The following EAPP variants were observed in gnomAD, a reference collection of about 807,000 sequenced individuals.
EAPP encodes the protein E2F-associated phosphoprotein.
EAPP carries 38 observed loss-of-function variants against 34.3 expected under a neutral mutation model. The ratio of observed to expected loss-of-function variants is 1.11; its 90% CI spans 0.85 to 1.45. The LOEUF is 1.45. Ranked by LOEUF, EAPP falls within the 40% of genes most tolerant of loss-of-function variation. EAPP has a pLI of 0.00. For missense variants in EAPP, 338 were observed against 343.7 expected, an observed-to-expected ratio of 0.98 and a Z score of 0.13; for synonymous variants, 113 against 117.6, an observed-to-expected ratio of 0.96 and a Z score of 0.25.
chr14:34,516,157 T>G lies in EAPP; in HGVS notation c.*153A>C. The G allele has an allele frequency of 1.5e-6, 1 of 669,602 alleles. No individual in the cohort carries two copies. Among genetic ancestry groups the G allele is most frequent in the Non-Finnish European group, 2.4e-6 (1 of 420,392 alleles). 41.5% of individuals were successfully genotyped at this position (669,602 alleles called of 1,614,324 possible). A position where few individuals can be genotyped will look rare whatever the true frequency, so the allele number is the denominator to read the frequency against. On this transcript the variant is annotated 3_prime_UTR_variant, in exon 6 of 6. Coordinates refer to ENST00000250454, the MANE Select transcript of EAPP (RefSeq NM_018453.4). ...AAAAAAAAGGAGAGGGTGAGAGATGTAAGAGATGAATGAAGGTTGACAACT... is the reference window on the plus strand; with the variant it reads ...AAAAAAAAGGAGAGGGTGAGAGATGGAAGAGATGAATGAAGGTTGACAACT...
chr14:34,525,074 A>G (rs998793218), intron 4 of EAPP, among the ~76,000 whole-genome samples: 1 of 152,212 alleles, frequency 6.6e-6, no homozygotes, highest in Non-Finnish European at 1.5e-5. Flanking sequence ...GAAACTGAGC[A>G]ACAAAATAAA....
At chr14:34,517,691 CTTGT>C (rs1010040493) in intron 5 of EAPP, among the ~76,000 whole-genome samples, 5 of 151,942 alleles carry the variant, frequency 3.3e-5, no homozygotes, top group African/African-American at 9.6e-5. Flanking sequence ...AATCTTCTGG[CTTGT>C]TTGTTTGGGT....
Position 34,516,229 on chromosome 14 carries a change from GAT to G in EAPP, c.*79_*80del. ...CACTGCTTCCTCAATGTCACTGAAG[GAT>G]ATGAACAGGCAAGAGGAAAGTAACT... On this transcript the variant is annotated 3_prime_UTR_variant, in exon 6 of 6. Transcript: ENST00000250454. 7.6e-7 allele frequency: 1 copy of G among 1,317,094 alleles called. No homozygotes were observed. Among genetic ancestry groups the G allele is most frequent in the South Asian group, 1.4e-5 (1 of 69,126 alleles). The allele number at this position is 1,317,094 out of a possible 1,614,324, so 81.6% of individuals were successfully genotyped here.
intron 2 of EAPP, among the ~76,000 whole-genome samples, chr14:34,534,190 T>C (rs1168757173): frequency 2.0e-5 from 3 of 150,802 alleles, no homozygotes; most frequent in Non-Finnish European, 4.4e-5. Context: ...TGGAGTGCAA[T>C]AGCACAATCT....
At position 34,529,458 on chromosome 14, in the gene EAPP, T is replaced by C; in HGVS notation, c.370A>G (p.Lys124Glu). 1 of 1,611,550 alleles carries C rather than the reference T, an allele frequency of 6.2e-7. No homozygotes were observed. The highest frequency in any genetic ancestry group is 8.5e-7 in the Non-Finnish European group (1 of 1,179,268). Residue 124 changes from lysine (K) to glutamate (E), a missense_variant, in exon 4 of 6, where the codon AAA becomes GAA. Coordinates refer to ENST00000250454, the MANE Select transcript of EAPP (RefSeq NM_018453.4). Reference sequence around the variant, plus strand: ...GGAATCTTGTGTTGTTTCTTCTTTTTTTTCTTGGTCACCTGTACTAATTTT... The same window carrying C: ...GGAATCTTGTGTTGTTTCTTCTTTTCTTTCTTGGTCACCTGTACTAATTTT... ...EDRAVQVTKK[K>E]KKKQHKIPTN... is the part of the protein sequence containing the mutation.
At position 34,516,832 on chromosome 14, in the gene EAPP, T is replaced by C. The variant is rs979837679; in HGVS notation, c.582-246A>G. On this transcript the variant is annotated intron_variant, in intron 5 of 5. Coordinates refer to ENST00000250454, the MANE Select transcript of EAPP (RefSeq NM_018453.4). ...GATCCTCCTGCCTCAGCCTCCCTGG[T>C]AGCTGGGATTACAGGCACAAGCCAC... Among the ~76,000 whole-genome samples the C allele has an allele frequency of 5.3e-5, 8 of 152,084 alleles. No individual in the cohort carries two copies. The East Asian group carries it at 5.8e-4, about 11-fold the overall frequency.
chr14:34,527,332 G>A (rs1481440516), intron 4 of EAPP, among the ~76,000 whole-genome samples: 1 of 152,028 alleles, frequency 6.6e-6, no homozygotes, highest in Admixed American at 6.6e-5. Context: ...GCCAGGTGGT[G>A]TGTGCCTATA....
At chr14:34,518,369 C>CT (rs1206613344) in intron 5 of EAPP, among the ~76,000 whole-genome samples, 4 of 116,814 alleles carry the variant, frequency 3.4e-5, no homozygotes, top group Non-Finnish European at 4.8e-5. Context: ...GAGTCTCACT[C>CT]TGTCACCCAG....
chr14:34,532,075 CAAA>C (rs757235021), intron 3 of EAPP, among the ~76,000 whole-genome samples: 6 of 67,042 alleles, frequency 8.9e-5, no homozygotes, highest in Non-Finnish European at 9.3e-5. Flanking sequence ...GACTCCGTCT[CAAA>C]AAAAAAAAAA....
intron 1 of EAPP, among the ~76,000 whole-genome samples, chr14:34,538,590 T>TC (rs1880553499): frequency 6.6e-6 from 1 of 151,666 alleles, no homozygotes; most frequent in South Asian, 2.1e-4. Context: ...TTTGATTTTT[T>TC]TTTTTTTTAA....
At position 34,535,721 on chromosome 14, in the gene EAPP, C is replaced by T. The variant is rs181534111; in HGVS notation, c.256+373G>A. 5.3e-3 allele frequency: 849 copies of T among 160,460 alleles called. 5 individuals are homozygous for T. Among genetic ancestry groups the T allele is most frequent in the African/African-American group, 0.014 (564 of 41,596 alleles). 9.9% of individuals were successfully genotyped at this position (160,460 alleles called of 1,614,324 possible). On this transcript the variant is annotated intron_variant, in intron 2 of 5. Transcript: ENST00000250454. ...TGCTAGGATTACAGTCGTGAGCCAC[C>T]GTGCCCGGCCCAAATTTTTTTTTTA... is the stretch of plus-strand genomic sequence containing the variant.
rs995014676 is a variant in EAPP, at chr14:34,536,246, T to C, written c.104A>G (p.His35Arg). ...SSEDEVDVLL[H>R]GTPDQKRKLI... ...TTTTCGTTTTTGGTCAGGAGTTCCA[T>C]GTAAAAGCACATCCACTTCATCCTC... Residue 35 changes from histidine to arginine, a missense_variant, in exon 2 of 6, where the codon CAT becomes CGT. His to Arg is a conservative substitution (Grantham distance 29). Coordinates refer to ENST00000250454, the MANE Select transcript of EAPP (RefSeq NM_018453.4). The C allele has an allele frequency of 1.9e-6, 3 of 1,611,176 alleles. No homozygotes were observed. Among genetic ancestry groups the C allele is most frequent in the Admixed American group, 1.7e-5 (1 of 59,338 alleles).
At chr14:34,533,981 C>T (rs753839089) in intron 2 of EAPP, among the ~76,000 whole-genome samples, 3 of 152,172 alleles carry the variant, frequency 2.0e-5, no homozygotes, top group African/African-American at 4.8e-5. Context: ...AGGACCATGA[C>T]ATTACCTATA....
At chr14:34,519,407 T>C (rs1437059308) in intron 5 of EAPP, among the ~76,000 whole-genome samples, 2 of 151,966 alleles carry the variant, frequency 1.3e-5, no homozygotes, top group African/African-American at 4.8e-5. Flanking sequence ...TGGTGGTGTG[T>C]GCCTGTAGTC....
chr14:34,533,581 T>A (rs1306242882), intron 2 of EAPP, 42 bp from the exon 3 acceptor site: 1 of 1,375,376 alleles, frequency 7.3e-7, no homozygotes, highest in Non-Finnish European at 9.9e-7. Flanking sequence ...AAATCATACA[T>A]AATTCACAAG....
At chr14:34,517,585 C>T (rs919619251) in intron 5 of EAPP, among the ~76,000 whole-genome samples, 2 of 151,530 alleles carry the variant, frequency 1.3e-5, no homozygotes, top group Non-Finnish European at 2.9e-5. Flanking sequence ...GTTGTTATGC[C>T]TTCTTTTCTA....
chr14:34,524,675 G>GTGTGTGTGTGTA (rs745982195), intron 5 of EAPP, 22 bp downstream of exon 5: 2 of 1,263,192 alleles, frequency 1.6e-6, no homozygotes, highest in East Asian at 2.3e-5. Context: ...GTGTGTGTGT[G>GTGTGTGTGTGTA]TGTGTGTCCT....
At chr14:34,526,120 G>A (rs1405214500) in intron 4 of EAPP, among the ~76,000 whole-genome samples, 1 of 151,200 alleles carries the variant, frequency 6.6e-6, no homozygotes, top group East Asian at 2.0e-4. Context: ...TTTAAAAACA[G>A]TAAAGCTACA....
chr14:34,517,248 CTTTT>C (rs34165039), intron 5 of EAPP, among the ~76,000 whole-genome samples: 11 of 127,342 alleles, frequency 8.6e-5, no homozygotes, highest in Admixed American at 8.1e-5. Context: ...GATTCTATTT[CTTTT>C]TTTTTTTTTT....
Sources: gnomAD v4.1 joint callset for allele counts (sites outside exome capture counted in the v4.1 genomes callset) on GRCh38, gnomAD v4.1.1 for gene constraint, MANE v1.5 for transcripts, NCBI Gene and HGNC (gene_info 2026-07-23, HGNC 2026-07-21) for gene names.